DLGAP4: variants seen among roughly 807,000 people sequenced by gnomAD.
DLGAP4 encodes the protein DLG associated protein 4, also known as disks large-associated protein 4.
DLGAP4 carries 18 observed loss-of-function variants against 86.9 expected under a neutral mutation model. The observed-to-expected ratio is 0.21, with a 90% confidence interval of 0.14 to 0.31. The LOEUF (loss-of-function observed/expected upper bound fraction) is 0.31, where lower values mean the gene tolerates loss of function less well. Ranked by LOEUF, DLGAP4 falls within the 10% of genes least tolerant of loss-of-function variation. The probability of loss-of-function intolerance (pLI) is 1.00; values close to 1 mark genes in which losing one functional copy is unlikely to be tolerated. For synonymous variants in DLGAP4, 548 were observed against 574.3 expected (o/e 0.95, Z 0.65); for missense variants, 1,085 against 1,362.6 (o/e 0.80, Z 3.21).
chr20:36,330,312 C>T (rs903584107), intron 1 of DLGAP4, among the ~76,000 whole-genome samples: 3 of 151,928 alleles, frequency 2.0e-5, no homozygotes, highest in South Asian at 2.1e-4. Flanking sequence ...GTGGTGGGGG[C>T]GGCAGGACTG....
In DLGAP4 at chr20:36,396,345, ACACACACATAC is replaced by A. The variant is rs1378242762; in HGVS notation, c.-73+29076_-73+29086del. Among the ~76,000 whole-genome samples, 185 of 117,918 alleles carry A rather than the reference ACACACACATAC, an allele frequency of 1.6e-3. 1 individual carries two copies. The highest frequency in any genetic ancestry group is 4.2e-3 in the Middle Eastern group (1 of 240). The allele number at this position is 117,918 out of a possible 152,430, so 77.4% of individuals were successfully genotyped here. ...AGCACACACACACACACGCACACAC[ACACACACATAC>A]CACACGCACATACACACACCCCACA... On this transcript the variant is annotated intron_variant, in intron 2 of 12. Coordinates refer to ENST00000339266, the MANE Select transcript of DLGAP4 (RefSeq NM_001365621.2).
At chr20:36,471,364 G>A (rs965573036) in intron 7 of DLGAP4, among the ~76,000 whole-genome samples, 5 of 152,082 alleles carry the variant, frequency 3.3e-5, no homozygotes, top group Admixed American at 2.0e-4. Context: ...CGTGGTGGTG[G>A]GTGTCTGTAG....
chr20:36,397,228 A>G (rs1474642020), intron 2 of DLGAP4, among the ~76,000 whole-genome samples: 1 of 152,172 alleles, frequency 6.6e-6, no homozygotes, highest in Non-Finnish European at 1.5e-5. Flanking sequence ...CTTGTTAGAA[A>G]ATGTAAGTTC....
intron 7 of DLGAP4, chr20:36,461,587 C>G (rs1718189595): frequency 2.1e-6 from 2 of 962,600 alleles, no homozygotes; most frequent in Admixed American, 6.3e-5. Flanking sequence ...CTGCCGCCTC[C>G]TCAGCCCGGA....
intron 1 of DLGAP4, among the ~76,000 whole-genome samples, chr20:36,355,814 T>G (rs542524634): frequency 7.2e-5 from 11 of 152,344 alleles, no homozygotes; most frequent in African/African-American, 2.6e-4. Context: ...TTTTCATTTC[T>G]CCCATATAAC....
At chr20:36,317,259 CTTTCTTTCTTTCTTTCT>C (rs2065112762) in intron 1 of DLGAP4, among the ~76,000 whole-genome samples, 2,230 of 60,332 alleles carry the variant, frequency 0.037, 79 homozygotes, top group African/African-American at 0.16. Flanking sequence ...TTCTTTCTTT[CTTTCTTTCTTTCTTTCT>C]TATCTTTCTT....
intron 6 of DLGAP4, among the ~76,000 whole-genome samples, chr20:36,445,564 C>T (rs1034750039): frequency 2.0e-5 from 3 of 152,222 alleles, no homozygotes. Flanking sequence ...TGGGTGAACA[C>T]CCATCTAGTT....
chr20:36,442,751 C>T lies in DLGAP4; in HGVS notation c.1381C>T (p.Pro461Ser), dbSNP rs765802034. 8.1e-6 allele frequency: 13 copies of T among 1,614,096 alleles called. No homozygotes were observed. Among genetic ancestry groups the T allele is most frequent in the African/African-American group, 1.3e-5 (1 of 74,922 alleles). Residue 461 changes from proline (P) to serine (S), a missense_variant, in exon 6 of 13, where the codon CCC (proline) becomes TCC (serine). Coordinates refer to ENST00000339266, the MANE Select transcript of DLGAP4 (RefSeq NM_001365621.2). ...SQIFGQASLI[P>S]QLFGHEQQVR... ...GATTTTTGGACAGGCCTCCCTGATC[C>T]CCCAGTTGTTTGGCCATGAGCAGCA...
intron 2 of DLGAP4, among the ~76,000 whole-genome samples, chr20:36,416,203 C>A (rs2032649100): frequency 6.6e-6 from 1 of 152,160 alleles, no homozygotes; most frequent in Non-Finnish European, 1.5e-5. Flanking sequence ...CTCACTGCAA[C>A]CTCCACCTCC....
At chr20:36,451,687 C>T (rs2033740000) in intron 7 of DLGAP4, among the ~76,000 whole-genome samples, 1 of 151,892 alleles carries the variant, frequency 6.6e-6, no homozygotes, top group Non-Finnish European at 1.5e-5. Flanking sequence ...GATATTATAA[C>T]CACACTTTGA....
At chr20:36,493,451 G>T (rs569301773) in intron 7 of DLGAP4, among the ~76,000 whole-genome samples, 7 of 152,310 alleles carry the variant, frequency 4.6e-5, no homozygotes, top group Admixed American at 2.6e-4. Flanking sequence ...GACCCAGTGA[G>T]AATCCCTCCC....
chr20:36,317,534 G>A (rs2065121714), intron 1 of DLGAP4, among the ~76,000 whole-genome samples: 1 of 141,852 alleles, frequency 7.0e-6, no homozygotes, highest in South Asian at 2.2e-4. Flanking sequence ...GCTCACTGCA[G>A]CCTTGAACTT....
At chr20:36,502,648 G>T (rs543758856) in intron 10 of DLGAP4, among the ~76,000 whole-genome samples, 62 of 152,108 alleles carry the variant, frequency 4.1e-4, no homozygotes, top group African/African-American at 1.5e-3. Context: ...CACCACACCC[G>T]GACAACAATT....
intron 1 of DLGAP4, among the ~76,000 whole-genome samples, chr20:36,355,157 A>G (rs1320233491): frequency 2.0e-5 from 3 of 152,210 alleles, no homozygotes; most frequent in Admixed American, 6.5e-5. Flanking sequence ...GCCCCAGGCA[A>G]CCACTGATCT....
chr20:36,321,687 G>A (rs536614086), intron 1 of DLGAP4, among the ~76,000 whole-genome samples: 7 of 152,348 alleles, frequency 4.6e-5, no homozygotes, highest in Admixed American at 2.0e-4. Context: ...GGGGCTGTAG[G>A]CAGAGTTGGG....
intron 2 of DLGAP4, among the ~76,000 whole-genome samples, chr20:36,421,359 G>A (rs2032820453): frequency 1.3e-5 from 2 of 151,932 alleles, no homozygotes; most frequent in South Asian, 4.2e-4. Flanking sequence ...TTGGGAGGCT[G>A]AGGCAGGAGA....
rs185976516 is a variant in DLGAP4 at position 36,437,065 on chromosome 20, A to C, written c.1241+715A>C. Among the ~76,000 whole-genome samples, 229 of 152,258 alleles carry C rather than the reference A, an allele frequency of 1.5e-3. 1 individual carries two copies. The highest frequency in any genetic ancestry group is 1.2e-3 in the Non-Finnish European group (85 of 68,012). ...GCTGTTCCCCCGGAGATCCCAGCCC[A>C]CAGATGAATCCTGTCCCTCAGCTTC... On this transcript the variant is annotated intron_variant, in intron 4 of 12. Transcript: ENST00000339266.
intron 5 of DLGAP4, among the ~76,000 whole-genome samples, chr20:36,441,603 A>T (rs1435628053): frequency 6.6e-6 from 1 of 152,084 alleles, no homozygotes; most frequent in Non-Finnish European, 1.5e-5. Context: ...TGTCCCCAGT[A>T]CCTGGCACAG....
chr20:36,318,795 G>C (rs1555890247), intron 1 of DLGAP4, among the ~76,000 whole-genome samples: 1 of 152,190 alleles, frequency 6.6e-6, no homozygotes, highest in Non-Finnish European at 1.5e-5. Flanking sequence ...AGCAGTGATT[G>C]TTGATGACTA....
Sources: gnomAD v4.1 joint callset for allele counts (sites outside exome capture counted in the v4.1 genomes callset) on GRCh38, gnomAD v4.1.1 for gene constraint, MANE v1.5 for transcripts, NCBI Gene and HGNC (gene_info 2026-07-23, HGNC 2026-07-21) for gene names.